The following NPAS3 variants were observed in gnomAD, a reference collection of about 807,000 sequenced individuals.
NPAS3 encodes neuronal PAS domain-containing protein 3.
NPAS3 carries 14 observed loss-of-function variants against 73.1 expected under a neutral mutation model. The observed-to-expected ratio is 0.19, with a 90% CI of 0.13 to 0.30. The LOEUF is 0.30. NPAS3 is among the 10% of genes least tolerant of loss of function. NPAS3 has a pLI of 1.00. For missense variants in NPAS3, 1,096 were observed against 1,250.0 expected (o/e 0.88, Z 1.86); for synonymous variants, 620 against 541.5 (o/e 1.14, Z -2.01).
At chr14:33,209,398 C>G (rs2046949331) in intron 2 of NPAS3, among the ~76,000 whole-genome samples, 2 of 152,138 alleles carry the variant, frequency 1.3e-5, no homozygotes, top group South Asian at 4.1e-4. Context: ...GAAGGGCAAG[C>G]ATTGCTTATA....
intron 2 of NPAS3, among the ~76,000 whole-genome samples, chr14:33,166,664 G>A (rs2045166782): frequency 1.3e-5 from 2 of 152,108 alleles, no homozygotes; most frequent in African/African-American, 4.8e-5. Flanking sequence ...CCCTTTGATA[G>A]ACATATTGCC....
intron 5 of NPAS3, among the ~76,000 whole-genome samples, chr14:33,643,139 T>C (rs1194222797): frequency 6.6e-6 from 1 of 152,030 alleles, no homozygotes; most frequent in East Asian, 1.9e-4. Flanking sequence ...TCTTTGTAAT[T>C]TGAGGTTTTG....
chr14:33,676,169 T>TATATA, intron 5 of NPAS3, 42 bp from the exon 6 acceptor site: 3 of 1,599,354 alleles, frequency 1.9e-6, no homozygotes, highest in Non-Finnish European at 2.6e-6. Flanking sequence ...TGGAGAAGCC[T>TATATA]ATATAATGTC....
chr14:33,318,474 A>T (rs79189272), intron 3 of NPAS3, among the ~76,000 whole-genome samples: 6,109 of 152,228 alleles, frequency 0.04, 145 homozygotes, highest in Non-Finnish European at 0.06. Context: ...AAAACAGTTA[A>T]GATGGTAAAT....
chr14:33,660,772 A>C (rs1217839394), intron 5 of NPAS3, among the ~76,000 whole-genome samples: 4 of 152,154 alleles, frequency 2.6e-5, no homozygotes, highest in Non-Finnish European at 4.4e-5. Flanking sequence ...CACATCAAAA[A>C]TGGGAAATCA....
chr14:33,777,065 T>G (rs1248347812), intron 8 of NPAS3, among the ~76,000 whole-genome samples: 1 of 152,226 alleles, frequency 6.6e-6, no homozygotes, highest in Admixed American at 6.5e-5. Context: ...TCCTTGACTC[T>G]GCAGACCATT....
intron 2 of NPAS3, among the ~76,000 whole-genome samples, chr14:33,144,717 T>C (rs146832358): frequency 6.6e-6 from 1 of 152,262 alleles, no homozygotes; most frequent in Non-Finnish European, 1.5e-5. Flanking sequence ...AATTTACCCA[T>C]TTAATTCATT....
At chr14:33,448,449 G>T (rs949434145) in intron 4 of NPAS3, among the ~76,000 whole-genome samples, 3 of 152,156 alleles carry the variant, frequency 2.0e-5, no homozygotes, top group African/African-American at 7.2e-5. Flanking sequence ...GCTCCATGCG[G>T]AAGGGTCGCT....
chr14:33,586,633 T>C (rs1287798442), intron 5 of NPAS3, among the ~76,000 whole-genome samples: 1 of 150,212 alleles, frequency 6.7e-6, no homozygotes, highest in Admixed American at 6.6e-5. Context: ...CTAAGAATTA[T>C]TTTTTAATGC....
chr14:33,698,247 A>G (rs1422271727), intron 6 of NPAS3, among the ~76,000 whole-genome samples: 1 of 152,232 alleles, frequency 6.6e-6, no homozygotes, highest in Non-Finnish European at 1.5e-5. Flanking sequence ...CATACAACAT[A>G]TGACCTCCAG....
In NPAS3 at chr14:33,591,966, G is replaced by A. The variant is rs141180522; in HGVS notation, c.558+31756G>A. On this transcript the variant is annotated intron_variant, in intron 5 of 11. Coordinates refer to ENST00000356141, the Ensembl canonical transcript of NPAS3. ...AGACACCCTTACCTGGTACCTTGTC[G>A]CTTGTTTTATCTTCACAACATTGCT... Among the ~76,000 whole-genome samples, 58 of 152,242 alleles carry A rather than the reference G, an allele frequency of 3.8e-4. 2 individuals are homozygous for A. The East Asian group carries it at 8.9e-3, about 23-fold the overall frequency.
intron 3 of NPAS3, among the ~76,000 whole-genome samples, chr14:33,222,936 A>G (rs1298419625): frequency 6.6e-6 from 1 of 152,198 alleles, no homozygotes; most frequent in African/African-American, 2.4e-5. Flanking sequence ...CGCTAGAAGC[A>G]GGTGTGGCTC....
chr14:33,464,577 C>T (rs2050422906), intron 4 of NPAS3, among the ~76,000 whole-genome samples: 1 of 152,208 alleles, frequency 6.6e-6, no homozygotes, highest in Non-Finnish European at 1.5e-5. Flanking sequence ...CCCTGACCCT[C>T]TGATTCCTGG....
intron 6 of NPAS3, among the ~76,000 whole-genome samples, chr14:33,731,441 G>T (rs867024453): frequency 7.6e-6 from 1 of 131,048 alleles, no homozygotes; most frequent in Non-Finnish European, 1.6e-5. Context: ...AAAAAAAAAA[G>T]AGAGAGAGAA....
At position 33,641,165 on chromosome 14, in the gene NPAS3, C is replaced by G. The variant is rs139997010; in HGVS notation, c.559-35046C>G. ...TTTTCTTGCAAAATGTTTTCACTCA[C>G]TTTTTCTTCCGTTTTGACTTGTTTA... On this transcript the variant is annotated intron_variant, in intron 5 of 11. Coordinates refer to ENST00000356141, the Ensembl canonical transcript of NPAS3. Among the ~76,000 whole-genome samples the G allele has an allele frequency of 1.3e-3, 196 of 152,280 alleles. 1 individual carries two copies. Among genetic ancestry groups the G allele is most frequent in the African/African-American group, 4.5e-3 (186 of 41,566 alleles).
intron 1 of NPAS3, among the ~76,000 whole-genome samples, chr14:32,964,513 T>G (rs1020838523): frequency 6.9e-6 from 1 of 145,284 alleles, no homozygotes; most frequent in East Asian, 1.9e-4. Context: ...GCATACAATG[T>G]GATATAAATA....
chr14:33,550,592 G>A (rs1457336544), intron 4 of NPAS3, among the ~76,000 whole-genome samples: 1 of 152,230 alleles, frequency 6.6e-6, no homozygotes, highest in African/African-American at 2.4e-5. Flanking sequence ...TGGACAGGCA[G>A]CGTACGCTGG....
intron 1 of NPAS3, among the ~76,000 whole-genome samples, chr14:33,032,175 G>A (rs2040018263): frequency 1.3e-5 from 2 of 152,172 alleles, no homozygotes; most frequent in Admixed American, 1.3e-4. Flanking sequence ...AAATGTAGGA[G>A]GATTGTACAT....
chr14:33,379,609 A>G (rs1402396329), intron 4 of NPAS3, among the ~76,000 whole-genome samples: 1 of 152,168 alleles, frequency 6.6e-6, no homozygotes, highest in African/African-American at 2.4e-5. Flanking sequence ...AAACTCAGTC[A>G]GTATGGCCAG....
Sources: allele counts gnomAD v4.1 joint callset (sites outside exome capture counted in the v4.1 genomes callset), GRCh38; gene constraint gnomAD v4.1.1; transcripts MANE v1.5; gene names NCBI Gene and HGNC (gene_info 2026-07-23, HGNC 2026-07-21).